The following SH3PXD2B variants were observed in gnomAD, a reference collection of about 807,000 sequenced individuals.
SH3PXD2B encodes the protein SH3 and PX domain-containing protein 2B.
A neutral mutation model predicts 73.1 loss-of-function variants in SH3PXD2B; 37 were observed. The observed-to-expected ratio is 0.51, with a 90% CI of 0.39 to 0.67. The LOEUF (loss-of-function observed/expected upper bound fraction) is 0.67, where lower values mean the gene tolerates loss of function less well. SH3PXD2B is among the 30% of genes least tolerant of loss of function. SH3PXD2B has a pLI of 0.00. For synonymous variants in SH3PXD2B, 457 were observed against 480.5 expected (o/e 0.95, Z 0.64); for missense variants, 1,053 against 1,197.8 (o/e 0.88, Z 1.78).
rs930261747 is a variant in SH3PXD2B at position 172,335,081 on chromosome 5, A to G, written c.*3288T>C. 19 of 985,594 alleles carry G rather than the reference A, an allele frequency of 1.9e-5. No homozygotes were observed. The highest frequency in any genetic ancestry group is 2.0e-5 in the Non-Finnish European group (17 of 830,044). The allele number at this position is 985,594 out of a possible 1,614,324, so 61.1% of individuals were successfully genotyped here. ...ACATACACCCACCAATGGCAAAGAA[A>G]GATTCCGAGCAGAACATGTGAGCAA... On this transcript the variant is annotated 3_prime_UTR_variant, in exon 13 of 13. Coordinates refer to ENST00000311601, the MANE Select transcript of SH3PXD2B (RefSeq NM_001017995.3).
At chr5:172,405,413 G>A (rs1047500034) in intron 3 of SH3PXD2B, among the ~76,000 whole-genome samples, 7 of 152,210 alleles carry the variant, frequency 4.6e-5, no homozygotes, top group East Asian at 1.9e-4. Flanking sequence ...TTCCCTGACC[G>A]GTGGCAGAAG....
chr5:172,366,986 GAGTA>G, intron 6 of SH3PXD2B, among the ~76,000 whole-genome samples: 1 of 134,488 alleles, frequency 7.4e-6, no homozygotes, highest in African/African-American at 2.8e-5. Context: ...GCCCAGGCTG[GAGTA>G]CAGTGGCACG....
At chr5:172,374,855 G>A (rs895501172) in intron 5 of SH3PXD2B, among the ~76,000 whole-genome samples, 14 of 150,296 alleles carry the variant, frequency 9.3e-5, no homozygotes, top group Non-Finnish European at 1.9e-4. Context: ...ACCCAGTGCC[G>A]GCACCCTGCT....
At chr5:172,397,364 C>T (rs1206077336) in intron 3 of SH3PXD2B, among the ~76,000 whole-genome samples, 1 of 152,140 alleles carries the variant, frequency 6.6e-6, no homozygotes, top group Non-Finnish European at 1.5e-5. Flanking sequence ...TAAATTTTGC[C>T]CCGGTCCTGT....
intron 10 of SH3PXD2B, among the ~76,000 whole-genome samples, chr5:172,348,711 T>TATCCTATCTATCTATC (rs1561896964): frequency 2.7e-5 from 1 of 36,956 alleles, no homozygotes; most frequent in African/African-American, 6.0e-5. Flanking sequence ...ATCTATCTAT[T>TATCCTATCTATCTATC]TATTTATTTT....
intron 6 of SH3PXD2B, among the ~76,000 whole-genome samples, chr5:172,366,567 C>T (rs74759495): frequency 6.6e-6 from 1 of 152,174 alleles, no homozygotes; most frequent in Non-Finnish European, 1.5e-5. Context: ...CTATTCTTAG[C>T]CTCCTAACTG....
intron 12 of SH3PXD2B, among the ~76,000 whole-genome samples, chr5:172,325,997 G>C (rs940615655): frequency 1.3e-5 from 2 of 152,202 alleles, no homozygotes. Context: ...ATGTTGGTCA[G>C]GCTGGTCTCG....
At chr5:172,357,781 C>G (rs761936733) in intron 8 of SH3PXD2B, among the ~76,000 whole-genome samples, 13 of 152,196 alleles carry the variant, frequency 8.5e-5, no homozygotes, top group African/African-American at 1.7e-4. Context: ...AGCTGTAATA[C>G]AACTGAATGC....
chr5:172,350,707 G>T, intron 9 of SH3PXD2B, 118 bp from the exon 10 acceptor site: 1 of 966,624 alleles, frequency 1.0e-6, no homozygotes, highest in Non-Finnish European at 1.6e-6. Flanking sequence ...GGTTGTGACT[G>T]CCCAGGGCAA....
chr5:172,384,450 G>A (rs895040573), intron 4 of SH3PXD2B, among the ~76,000 whole-genome samples: 9 of 152,048 alleles, frequency 5.9e-5, no homozygotes, highest in Non-Finnish European at 1.0e-4. Flanking sequence ...TACCAGCACC[G>A]CCATCCATCC....
chr5:172,432,778 G>A (rs1759278656), intron 1 of SH3PXD2B, among the ~76,000 whole-genome samples: 1 of 152,094 alleles, frequency 6.6e-6, no homozygotes, highest in Non-Finnish European at 1.5e-5. Context: ...CAGGCATGGT[G>A]GTGCATGCCT....
At chr5:172,363,934 G>A (rs1350111322) in intron 6 of SH3PXD2B, among the ~76,000 whole-genome samples, 3 of 152,198 alleles carry the variant, frequency 2.0e-5, no homozygotes, top group Non-Finnish European at 4.4e-5. Flanking sequence ...TGGCAAGAAA[G>A]AAAGCAGGAG....
Position 172,339,436 on chromosome 5 carries a change from G to A in SH3PXD2B, c.1669C>T (p.Pro557Ser), listed in dbSNP as rs139306925. 10 of 1,614,008 alleles carry A rather than the reference G, an allele frequency of 6.2e-6. No individual in the cohort carries two copies. The African/African-American group carries it at 1.2e-4, about 19-fold the overall frequency. The stretch of plus-strand genomic sequence containing the variant: ...GGCATCATCGGCAAAATCACGCCCG[G>A]AGGCTTGGGAGTGGGGCCCCGGAGC... Reference protein sequence around the residue: ...EQLRGPTPKPPGVILPMMPAK... With the variant: ...EQLRGPTPKPSGVILPMMPAK... Residue 557 changes from proline to serine, a missense_variant, in exon 13 of 13, where the codon CCG becomes TCG. By Grantham distance (74) the Pro-to-Ser change is moderately conservative (BLOSUM62 -1). Coordinates refer to ENST00000311601, the MANE Select transcript of SH3PXD2B (RefSeq NM_001017995.3). The surrounding 1 kb of genome is among the most constrained non-coding windows in gnomAD (Gnocchi z 6.1).
intron 1 of SH3PXD2B, among the ~76,000 whole-genome samples, chr5:172,443,933 G>C (rs1759604744): frequency 6.6e-6 from 1 of 152,254 alleles, no homozygotes; most frequent in East Asian, 1.9e-4. Context: ...AGCCAAAAGT[G>C]ATCCTGGCAA....
chr5:172,325,876 C>T (rs1756438591), intron 12 of SH3PXD2B, among the ~76,000 whole-genome samples: 1 of 152,240 alleles, frequency 6.6e-6, no homozygotes, highest in South Asian at 2.1e-4. Context: ...CAACCTCCGC[C>T]TCCCGGTTTC....
intron 4 of SH3PXD2B, among the ~76,000 whole-genome samples, chr5:172,390,194 ATC>A (rs1758149636): frequency 6.6e-6 from 1 of 152,220 alleles, no homozygotes; most frequent in Non-Finnish European, 1.5e-5. Flanking sequence ...TTTACAGGTC[ATC>A]TCTGTTTCTT....
intron 5 of SH3PXD2B, among the ~76,000 whole-genome samples, chr5:172,377,624 G>A (rs912022560): frequency 4.6e-5 from 7 of 152,174 alleles, no homozygotes; most frequent in Non-Finnish European, 1.0e-4. Flanking sequence ...AATAAGCTCA[G>A]AGAAGTCAAG....
At chr5:172,398,034 G>A (rs1224386572) in intron 3 of SH3PXD2B, among the ~76,000 whole-genome samples, 1 of 152,170 alleles carries the variant, frequency 6.6e-6, no homozygotes, top group Non-Finnish European at 1.5e-5. Context: ...AAGAAAAACT[G>A]GAGGCTTTAA....
At chr5:172,418,410 CCTGA>C (rs1257631338) in intron 2 of SH3PXD2B, among the ~76,000 whole-genome samples, 3 of 152,240 alleles carry the variant, frequency 2.0e-5, no homozygotes, top group African/African-American at 4.8e-5. Flanking sequence ...CCCCAGGTCT[CCTGA>C]CTGAGTCCTC....
Sources: allele counts gnomAD v4.1 joint callset (sites outside exome capture counted in the v4.1 genomes callset), GRCh38; gene constraint gnomAD v4.1.1; non-coding constraint Gnocchi (gnomAD v3.1); transcripts MANE v1.5; gene names NCBI Gene and HGNC (gene_info 2026-07-23, HGNC 2026-07-21).